The following ABCA10 variants were observed in gnomAD, a reference collection of about 807,000 sequenced individuals.
ABCA10 encodes the protein ATP binding cassette subfamily A member 10, also known as ATP-binding cassette sub-family A member 10.
In ABCA10, 169 loss-of-function variants were observed where a neutral mutation model predicts 187.5. The observed-to-expected ratio is 0.90, with a 90% CI of 0.80 to 1.02. The LOEUF (loss-of-function observed/expected upper bound fraction) is 1.02, where lower values mean the gene tolerates loss of function less well. Ranked by LOEUF, ABCA10 falls within the 50% of genes least tolerant of loss-of-function variation. The pLI is 0.00. For synonymous variants in ABCA10, 574 were observed against 601.8 expected (o/e 0.95, Z 0.68); for missense variants, 1,727 against 1,812.4 (o/e 0.95, Z 0.86).
intron 1 of ABCA10, chr17:69,233,965 G>A (rs1389729284): frequency 6.6e-6 from 1 of 152,272 alleles, no homozygotes; most frequent in Admixed American, 6.5e-5. Flanking sequence ...TAAGATGGAT[G>A]TCCATCTCCT....
In ABCA10 at chr17:69,221,898, T is replaced by A. The variant is rs2074751073; in HGVS notation, c.200-3A>T. 1.3e-6 allele frequency: 2 copies of A among 1,598,218 alleles called. No individual in the cohort carries two copies. The highest frequency in any genetic ancestry group is 1.7e-6 in the Non-Finnish European group (2 of 1,173,024). ...ACCATGCATGGCCCAACAGTGTTCT[T>A]TAAGGAAGAAGAAAAACATGTCCAT... is the stretch of plus-strand genomic sequence containing the variant. On this transcript the variant is annotated splice_polypyrimidine_tract_variant and splice_region_variant and intron_variant, in intron 4 of 38. Coordinates refer to ENST00000690296, the MANE Select transcript of ABCA10 (RefSeq NM_001377321.1).
At chr17:69,192,708 A>G (rs2074470105) in intron 15 of ABCA10, 55 bp from the exon 16 acceptor site, 3 of 1,424,654 alleles carry the variant, frequency 2.1e-6, no homozygotes, top group East Asian at 2.3e-5. Context: ...CTTATATGGT[A>G]TATTCTCTAC....
intron 9 of ABCA10, among the ~76,000 whole-genome samples, chr17:69,204,885 T>A (rs988900702): frequency 4.6e-5 from 7 of 152,216 alleles, no homozygotes; most frequent in Non-Finnish European, 5.9e-5. Flanking sequence ...TCCCAGCACT[T>A]TGGGAGACCA....
chr17:69,219,896 A>G (rs2074734093), intron 5 of ABCA10, 125 bp from the exon 6 acceptor site: 1 of 666,072 alleles, frequency 1.5e-6, no homozygotes. Context: ...TGAACTATTA[A>G]TATCAGAACA....
chr17:69,161,006 TTTA>T (rs1200412275), intron 27 of ABCA10, among the ~76,000 whole-genome samples: 41 of 152,334 alleles, frequency 2.7e-4, no homozygotes, highest in African/African-American at 8.9e-4. Context: ...AATGCAAATG[TTTA>T]TTGACAGAAT....
chr17:69,221,228 C>A (rs1219657846), intron 5 of ABCA10, among the ~76,000 whole-genome samples: 4 of 152,126 alleles, frequency 2.6e-5, no homozygotes, highest in African/African-American at 7.2e-5. Context: ...AATAAAGAAG[C>A]TGTTAATTGA....
At chr17:69,179,853 G>C (rs975093721) in intron 22 of ABCA10, among the ~76,000 whole-genome samples, 1 of 152,168 alleles carries the variant, frequency 6.6e-6, no homozygotes, top group Non-Finnish European at 1.5e-5. Flanking sequence ...TCCCTACAGA[G>C]AAAGCTTTTT....
chr17:69,162,959 T>G (rs954856113), intron 27 of ABCA10, among the ~76,000 whole-genome samples: 1 of 151,746 alleles, frequency 6.6e-6, no homozygotes, highest in Admixed American at 6.6e-5. Flanking sequence ...TGCCTCAGCC[T>G]CCCGAGTAGC....
chr17:69,185,101 A>G (rs1357556762), intron 20 of ABCA10, among the ~76,000 whole-genome samples: 1 of 152,058 alleles, frequency 6.6e-6, no homozygotes, highest in East Asian at 1.9e-4. Context: ...CTAAGCTATG[A>G]AGGTGCAAAG....
In ABCA10 at chr17:69,187,870, A is replaced by G. The variant is rs373666268; in HGVS notation, c.2141T>C (p.Ile714Thr). 1 of 1,613,496 alleles carries G rather than the reference A, an allele frequency of 6.2e-7. No homozygotes were observed. The highest frequency in any genetic ancestry group is 8.5e-7 in the Non-Finnish European group (1 of 1,179,552). The change falls in exon 19 of 39, where the codon ATT (isoleucine) becomes ACT (threonine). Residue 714 changes from isoleucine (I) to threonine (T), a missense_variant. Physicochemically the swap from Ile to Thr is moderately conservative, Grantham distance 89 (BLOSUM62 -1). Transcript: ENST00000690296. The stretch of plus-strand genomic sequence containing the variant: ...CACATGTATTTTCTCTTGTTTCCCA[A>G]TGTCAAAATCTACAATCATGTAATA... ...KSAIDEPDFD[I>T]GKQEKIHVTR...
chr17:69,236,918 A>C (rs1290882256), intron 1 of ABCA10, among the ~76,000 whole-genome samples: 2 of 152,244 alleles, frequency 1.3e-5, no homozygotes, highest in African/African-American at 4.8e-5. Flanking sequence ...ACCAAGGTTA[A>C]GATACCCTGT....
In ABCA10 at chr17:69,185,467, C is replaced by A; in HGVS notation, c.2497+10G>T. On this transcript the variant is annotated intron_variant, in intron 20 of 38. Coordinates refer to ENST00000690296, the MANE Select transcript of ABCA10 (RefSeq NM_001377321.1). ...AAAAACTCACACTAAATTTCAGCCC[C>A]ATTTCTCACCTGTATTATTAACGAT... 1 of 1,597,958 alleles carries A rather than the reference C, an allele frequency of 6.3e-7. No individual in the cohort carries two copies. Among genetic ancestry groups the A allele is most frequent in the Non-Finnish European group, 8.5e-7 (1 of 1,171,174 alleles).
chr17:69,196,587 C>T (rs185592616), intron 11 of ABCA10: 14 of 185,914 alleles, frequency 7.5e-5, no homozygotes, highest in Admixed American at 5.9e-4. Flanking sequence ...CAGGCAGAGA[C>T]GCTCCTCGCT....
At position 69,225,254 on chromosome 17, in the gene ABCA10, A is replaced by C. The variant is rs972916582; in HGVS notation, c.34+71T>G. On this transcript the variant is annotated intron_variant, in intron 3 of 38. Transcript: ENST00000690296. ...CACTGACACACAGGCTAGGTAAGTA[A>C]ATTCAACCTGCAAAAAGAACTTGAA... The C allele has an allele frequency of 3.9e-6, 6 of 1,549,144 alleles. No homozygotes were observed. In the African/African-American group the frequency reaches 8.2e-5, roughly 21 times the overall value.
At chr17:69,172,125 T>G (rs916610538) in intron 25 of ABCA10, among the ~76,000 whole-genome samples, 1 of 152,004 alleles carries the variant, frequency 6.6e-6, no homozygotes, top group Non-Finnish European at 1.5e-5. Flanking sequence ...AGCATGTAAG[T>G]AGGGTAAGAA....
intron 25 of ABCA10, among the ~76,000 whole-genome samples, chr17:69,170,526 T>A (rs2074290932): frequency 6.6e-6 from 1 of 151,948 alleles, no homozygotes; most frequent in African/African-American, 2.4e-5. Context: ...AAGGAGTAAT[T>A]AAACACTTCC....
At chr17:69,172,407 G>A (rs575359232) in intron 25 of ABCA10, among the ~76,000 whole-genome samples, 1 of 152,222 alleles carries the variant, frequency 6.6e-6, no homozygotes, top group African/African-American at 2.4e-5. Context: ...ATAAGAAGGG[G>A]AGATTAGGAC....
chr17:69,193,715 G>A (rs1029022497), intron 13 of ABCA10, 99 bp downstream of exon 13: 11 of 1,553,152 alleles, frequency 7.1e-6, no homozygotes, highest in South Asian at 1.2e-5. Context: ...CGTTGATTAA[G>A]CTTTACCTAT....
intron 22 of ABCA10, among the ~76,000 whole-genome samples, chr17:69,180,766 C>T (rs922420212): frequency 2.6e-5 from 4 of 152,178 alleles, no homozygotes; most frequent in African/African-American, 7.2e-5. Context: ...CTATCTCATT[C>T]GCAGAAAACT....
Sources: allele counts gnomAD v4.1 joint callset (sites outside exome capture counted in the v4.1 genomes callset), GRCh38; gene constraint gnomAD v4.1.1; transcripts MANE v1.5; gene names NCBI Gene and HGNC (gene_info 2026-07-23, HGNC 2026-07-21).